Variants in LRMDA observed in about 807,000 individuals in gnomAD.
LRMDA encodes the protein leucine rich melanocyte differentiation associated, also known as leucine-rich melanocyte differentiation-associated protein.
A neutral mutation model predicts 29.8 loss-of-function variants in LRMDA; 18 were observed. That is an observed-to-expected ratio of 0.60 (90% CI 0.42 to 0.90). LRMDA has a LOEUF of 0.90. LRMDA is among the 40% of genes least tolerant of loss of function. LRMDA has a pLI of 0.00. For missense variants in LRMDA, 273 were observed against 273.9 expected (o/e 1.00, Z 0.02); for synonymous variants, 125 against 109.4 (o/e 1.14, Z -0.89).
chr10:76,495,370 T>C (rs1842871898), intron 6 of LRMDA, among the ~76,000 whole-genome samples: 2 of 151,916 alleles, frequency 1.3e-5, no homozygotes, highest in South Asian at 4.1e-4. Flanking sequence ...CATTGATTAA[T>C]GTATCTATCT....
intron 6 of LRMDA, among the ~76,000 whole-genome samples, chr10:76,395,287 G>A (rs555187260): frequency 7.9e-5 from 12 of 152,176 alleles, no homozygotes; most frequent in Non-Finnish European, 1.6e-4. Flanking sequence ...ATCCTTGGCT[G>A]ACTCTCATAA....
intron 6 of LRMDA, among the ~76,000 whole-genome samples, chr10:76,447,135 C>G (rs919382887): frequency 5.3e-5 from 8 of 151,318 alleles, no homozygotes; most frequent in Admixed American, 4.6e-4. Flanking sequence ...CACTAGTGTT[C>G]TCTTTAACCA....
chr10:75,591,007 G>T (rs544868287), intron 2 of LRMDA, among the ~76,000 whole-genome samples: 77 of 152,104 alleles, frequency 5.1e-4, no homozygotes, highest in African/African-American at 1.8e-3. Flanking sequence ...CTCTCAAAGT[G>T]CTGGGATTAC....
At chr10:75,979,054 C>G (rs922480502) in intron 2 of LRMDA, among the ~76,000 whole-genome samples, 2 of 152,036 alleles carry the variant, frequency 1.3e-5, no homozygotes, top group African/African-American at 2.4e-5. Flanking sequence ...ATAATAGTAC[C>G]CATCTCACAG....
intron 6 of LRMDA, among the ~76,000 whole-genome samples, chr10:76,507,561 A>C: frequency 6.6e-6 from 1 of 152,100 alleles, no homozygotes; most frequent in East Asian, 1.9e-4. Context: ...TACTCAAAAA[A>C]TATTTGCTAA....
intron 2 of LRMDA, among the ~76,000 whole-genome samples, chr10:75,942,789 T>TGGAA (rs1282735661): frequency 1.3e-5 from 2 of 152,144 alleles, no homozygotes; most frequent in African/African-American, 4.8e-5. Flanking sequence ...GGAGATTGCT[T>TGGAA]GGAACATAGT....
At chr10:75,606,443 G>A (rs935623373) in intron 2 of LRMDA, among the ~76,000 whole-genome samples, 4 of 152,176 alleles carry the variant, frequency 2.6e-5, no homozygotes, top group Non-Finnish European at 4.4e-5. Flanking sequence ...TTTTAGAACC[G>A]AGGTTCTATT....
In LRMDA at chr10:75,599,824, A is replaced by G. The variant is rs12255427; in HGVS notation, c.131+161330A>G. 9.7e-3 allele frequency among the ~76,000 whole-genome samples: 1,475 copies of G among 152,298 alleles called. 17 individuals carry two copies. The highest frequency in any genetic ancestry group is 0.028 in the African/African-American group (1,161 of 41,564). On this transcript the variant is annotated intron_variant, in intron 2 of 6. Coordinates refer to ENST00000611255, the MANE Select transcript of LRMDA (RefSeq NM_001305581.2). ...TGAAATAGCCACATGTGGCTACCAT[A>G]ATGGGGAGAGCAGGACCCTAGAGAG... is the stretch of plus-strand genomic sequence containing the variant.
At chr10:76,163,488 C>T (rs1455296635) in intron 5 of LRMDA, among the ~76,000 whole-genome samples, 1 of 152,070 alleles carries the variant, frequency 6.6e-6, no homozygotes, top group South Asian at 2.1e-4. Context: ...TGGAGAAAAA[C>T]AGAAAGTAAA....
intron 6 of LRMDA, among the ~76,000 whole-genome samples, chr10:76,538,555 T>TACAC (rs57625591): frequency 0.02 from 2,838 of 141,478 alleles, 50 homozygotes; most frequent in South Asian, 0.1. Context: ...TATATATATA[T>TACAC]ACACACACAC....
chr10:75,918,474 C>T (rs1235540240), intron 2 of LRMDA, among the ~76,000 whole-genome samples: 3 of 151,948 alleles, frequency 2.0e-5, no homozygotes, highest in Non-Finnish European at 4.4e-5. Context: ...AGGTGCCACA[C>T]CCTTTCAAAT....
At chr10:76,501,186 T>C (rs1488181610) in intron 6 of LRMDA, among the ~76,000 whole-genome samples, 1 of 112,820 alleles carries the variant, frequency 8.9e-6, no homozygotes, top group Admixed American at 9.2e-5. Flanking sequence ...GCTGTATCCA[T>C]GTTGCTGCAA....
intron 2 of LRMDA, among the ~76,000 whole-genome samples, chr10:75,672,528 C>T (rs12414282): frequency 0.7 from 22,091 of 31,714 alleles, 6,808 homozygotes; most frequent in Admixed American, 0.72. Context: ...TTCTTTTCCT[C>T]CCCTCCCCTC....
intron 2 of LRMDA, among the ~76,000 whole-genome samples, chr10:75,617,031 C>T (rs1841112114): frequency 6.6e-6 from 1 of 152,188 alleles, no homozygotes; most frequent in Non-Finnish European, 1.5e-5. Flanking sequence ...TGCTTGGGAA[C>T]CACTGGATTA....
chr10:75,492,331 C>T (rs972559631), intron 2 of LRMDA, among the ~76,000 whole-genome samples: 24 of 152,208 alleles, frequency 1.6e-4, no homozygotes, highest in Admixed American at 8.5e-4. Flanking sequence ...GCTCTGACCC[C>T]ACCTCTTGGC....
At chr10:76,149,263 C>T (rs1358632679) in intron 5 of LRMDA, among the ~76,000 whole-genome samples, 1 of 152,158 alleles carries the variant, frequency 6.6e-6, no homozygotes, top group Non-Finnish European at 1.5e-5. Context: ...ATGCAGCAGT[C>T]AAGGAGTGAT....
At chr10:76,214,554 C>T (rs1851695681) in intron 5 of LRMDA, among the ~76,000 whole-genome samples, 1 of 151,896 alleles carries the variant, frequency 6.6e-6, no homozygotes, top group Non-Finnish European at 1.5e-5. Flanking sequence ...CCTTGTTAGC[C>T]AGGATGGTCT....
chr10:76,414,975 GT>G (rs1841999759), intron 6 of LRMDA, among the ~76,000 whole-genome samples: 1 of 152,264 alleles, frequency 6.6e-6, no homozygotes, highest in African/African-American at 2.4e-5. Context: ...TAAGCACTTG[GT>G]TCTTTGGCTG....
intron 2 of LRMDA, among the ~76,000 whole-genome samples, chr10:75,914,853 G>A (rs1198394994): frequency 6.6e-6 from 1 of 152,222 alleles, no homozygotes; most frequent in East Asian, 1.9e-4. Context: ...AGAAATACAG[G>A]GCAACATGAC....
Sources: gnomAD v4.1 joint callset for allele counts (sites outside exome capture counted in the v4.1 genomes callset) on GRCh38, gnomAD v4.1.1 for gene constraint, MANE v1.5 for transcripts, NCBI Gene and HGNC (gene_info 2026-07-23, HGNC 2026-07-21) for gene names.